Variants in DAB1 observed in about 807,000 individuals in gnomAD.
The protein encoded by DAB1 is disabled homolog 1.
A neutral mutation model predicts 64.6 loss-of-function variants in DAB1; 15 were observed. The ratio of observed to expected loss-of-function variants is 0.23; its 90% confidence interval spans 0.16 to 0.36. The LOEUF (loss-of-function observed/expected upper bound fraction) is 0.36, where lower values mean the gene tolerates loss of function less well. Among genes scored for constraint, DAB1 ranks in the 10% least tolerant of loss-of-function variants. The pLI is 1.00. For synonymous variants in DAB1, 235 were observed against 251.9 expected (o/e 0.93, Z 0.64); for missense variants, 596 against 706.7 (o/e 0.84, Z 1.78).
chr1:58,024,940 G>A (rs936367938), intron 5 of DAB1, among the ~76,000 whole-genome samples: 3 of 152,078 alleles, frequency 2.0e-5, no homozygotes, highest in Admixed American at 6.6e-5. Flanking sequence ...CCAACCTGCT[G>A]CCTCAGATCT....
chr1:58,503,144 T>G (rs1483276735), intron 3 of DAB1, among the ~76,000 whole-genome samples: 1 of 152,162 alleles, frequency 6.6e-6, no homozygotes, highest in East Asian at 1.9e-4. Flanking sequence ...GAATTTATTA[T>G]CCAATTAAAC....
rs527949570 is a variant in DAB1, at chr1:57,247,812, C to G, written c.67+43152G>C. Among the ~76,000 whole-genome samples the G allele has an allele frequency of 1.1e-4, 17 of 152,310 alleles. No homozygotes were observed. In the East Asian group the frequency reaches 3.3e-3, roughly 29 times the overall value. ...ATATGGATGCTCTTTTATGCCCATT[C>G]TCCCTGCTAGTTGGCTGGAATGCAG... On this transcript the variant is annotated intron_variant, in intron 2 of 14. Transcript: ENST00000371236.
chr1:57,429,635 T>C (rs1033860691), intron 7 of DAB1, among the ~76,000 whole-genome samples: 5 of 152,230 alleles, frequency 3.3e-5, no homozygotes, highest in Admixed American at 6.5e-5. Context: ...CTTCCATCTG[T>C]CGTTAATCCA....
rs1343044521 is a variant in DAB1 at position 58,048,461 on chromosome 1, C to A, written n.387+102050G>T. On this transcript the variant is annotated intron_variant and non_coding_transcript_variant, in intron 5 of 20. Transcript: ENST00000485760. Reference sequence around the variant, plus strand: ...GCTGCCACTCCCGCCATAGCCACTGCCCTGGTTTCCATAACCCTGTCCACC... The same window carrying A: ...GCTGCCACTCCCGCCATAGCCACTGACCTGGTTTCCATAACCCTGTCCACC... The A allele has an allele frequency of 2.6e-6, 3 of 1,158,936 alleles. No individual in the cohort carries two copies. The Admixed American group carries it at 5.1e-5, about 20-fold the overall frequency. 71.8% of individuals were successfully genotyped at this position (1,158,936 alleles called of 1,614,324 possible). A position where few individuals can be genotyped will look rare whatever the true frequency, so the allele number is the denominator to read the frequency against.
chr1:58,488,838 C>T (rs532800954), intron 3 of DAB1, among the ~76,000 whole-genome samples: 2 of 152,370 alleles, frequency 1.3e-5, no homozygotes, highest in Admixed American at 6.5e-5. Flanking sequence ...CCTTTGCATC[C>T]TCATAGCTTA....
chr1:57,535,532 T>G (rs1282697865), intron 7 of DAB1, among the ~76,000 whole-genome samples: 1 of 149,504 alleles, frequency 6.7e-6, no homozygotes, highest in Non-Finnish European at 1.5e-5. Context: ...TGCTGTGGCG[T>G]GATCTTAGTT....
At chr1:58,327,273 TG>T (rs1662855023) in intron 4 of DAB1, among the ~76,000 whole-genome samples, 1 of 151,438 alleles carries the variant, frequency 6.6e-6, no homozygotes. Flanking sequence ...AAATAGAATA[TG>T]GGGGAAAAAG....
chr1:57,337,465 C>A (rs990701679), intron 1 of DAB1, among the ~76,000 whole-genome samples: 1 of 152,182 alleles, frequency 6.6e-6, no homozygotes, highest in Admixed American at 6.5e-5. Flanking sequence ...CTCCTTGGAG[C>A]CTTTGCTCAA....
intron 9 of DAB1, among the ~76,000 whole-genome samples, chr1:57,032,555 C>T (rs1247787632): frequency 1.3e-5 from 2 of 152,134 alleles, no homozygotes; most frequent in African/African-American, 2.4e-5. Flanking sequence ...TCAATTTGTA[C>T]CCTATTCCAT....
intron 9 of DAB1, among the ~76,000 whole-genome samples, chr1:57,045,837 G>A (rs1201784398): frequency 6.6e-6 from 1 of 152,178 alleles, no homozygotes; most frequent in Non-Finnish European, 1.5e-5. Context: ...GAAACATAAC[G>A]ATATGCTGAC....
intron 2 of DAB1, among the ~76,000 whole-genome samples, chr1:57,268,109 A>C (rs967614246): frequency 6.6e-6 from 1 of 152,200 alleles, no homozygotes; most frequent in African/African-American, 2.4e-5. Context: ...GTGACTAATG[A>C]AACCTTACAA....
intron 6 of DAB1, among the ~76,000 whole-genome samples, chr1:57,814,525 G>T (rs1431982496): frequency 6.6e-6 from 1 of 152,116 alleles, no homozygotes; most frequent in Admixed American, 6.5e-5. Context: ...TTCTCAAACT[G>T]CACACAGGAC....
At chr1:57,027,693 G>C (rs1221467309) in intron 9 of DAB1, among the ~76,000 whole-genome samples, 1 of 152,152 alleles carries the variant, frequency 6.6e-6, no homozygotes. Context: ...AACTTTCTTT[G>C]ATGTTTGGTT....
chr1:57,186,201 C>T (rs900115249), intron 2 of DAB1, among the ~76,000 whole-genome samples: 6 of 152,150 alleles, frequency 3.9e-5, no homozygotes, highest in African/African-American at 1.4e-4. Flanking sequence ...TGACCAATTA[C>T]ATTAGAATGT....
intron 7 of DAB1, among the ~76,000 whole-genome samples, chr1:57,523,122 C>CAT (rs759712078): frequency 1.6e-4 from 24 of 152,260 alleles, no homozygotes; most frequent in East Asian, 3.9e-4. Context: ...AACTCCCTTT[C>CAT]ATATATATAT....
At position 58,029,388 on chromosome 1, in the gene DAB1, C is replaced by A. The variant is rs367872407; in HGVS notation, n.387+121123G>T. On this transcript the variant is annotated intron_variant and non_coding_transcript_variant, in intron 5 of 20. Transcript: ENST00000485760. ...TCAAGTCCACTTACAGTTGCTGTTACAAAAATCTGCCACCCAGGGCCACAA... is the reference window on the plus strand; with the variant it reads ...TCAAGTCCACTTACAGTTGCTGTTAAAAAAATCTGCCACCCAGGGCCACAA... Among the ~76,000 whole-genome samples the A allele has an allele frequency of 3.3e-4, 50 of 152,268 alleles. 3 individuals carry two copies. The East Asian group carries it at 8.1e-3, about 25-fold the overall frequency.
At chr1:57,113,784 T>C (rs1448854528) in intron 4 of DAB1, among the ~76,000 whole-genome samples, 3 of 152,240 alleles carry the variant, frequency 2.0e-5, no homozygotes, top group African/African-American at 7.2e-5. Flanking sequence ...CATTACAGCC[T>C]GATTTTAAAG....
At chr1:57,673,859 A>C (rs1418551081) in intron 6 of DAB1, among the ~76,000 whole-genome samples, 1 of 152,202 alleles carries the variant, frequency 6.6e-6, no homozygotes, top group African/African-American at 2.4e-5. Context: ...CTTTTCTAAA[A>C]GTCACTATTT....
chr1:57,701,911 G>A (rs1006043672), intron 6 of DAB1, among the ~76,000 whole-genome samples: 2 of 151,930 alleles, frequency 1.3e-5, no homozygotes, highest in African/African-American at 4.8e-5. Context: ...GTTTATTTCT[G>A]CACTATCTTG....
Sources: gnomAD v4.1 joint callset for allele counts (sites outside exome capture counted in the v4.1 genomes callset) on GRCh38, gnomAD v4.1.1 for gene constraint, MANE v1.5 for transcripts, NCBI Gene and HGNC (gene_info 2026-07-23, HGNC 2026-07-21) for gene names.